The following NAV1 variants were observed in gnomAD, a reference collection of about 807,000 sequenced individuals.
The protein encoded by NAV1 is pore membrane and/or filament interacting like protein 3.
In NAV1, 18 loss-of-function variants were observed where a neutral mutation model predicts 175.2. That is an observed-to-expected ratio of 0.10 (90% CI 0.07 to 0.15). The LOEUF (loss-of-function observed/expected upper bound fraction) is 0.15. NAV1 is among the 10% of genes least tolerant of loss of function. NAV1 has a pLI of 1.00. For synonymous variants in NAV1, 897 were observed against 978.7 expected, an observed-to-expected ratio of 0.92 and a Z score of 1.56; for missense variants, 1,731 against 2,436.6, an observed-to-expected ratio of 0.71 and a Z score of 6.10.
At chr1:201,576,042 G>A (rs1004425255) in intron 1 of NAV1, among the ~76,000 whole-genome samples, 2 of 152,124 alleles carry the variant, frequency 1.3e-5, no homozygotes, top group Non-Finnish European at 2.9e-5. Flanking sequence ...TTAACATCTT[G>A]CAAAACTGTA....
intron 1 of NAV1, among the ~76,000 whole-genome samples, chr1:201,570,542 A>G (rs774145286): frequency 1.1e-3 from 162 of 152,210 alleles, no homozygotes; most frequent in Non-Finnish European, 2.1e-3. Context: ...GTGTGGTGAA[A>G]CAACCAGAGA....
chr1:201,793,708 C>A, intron 13 of NAV1, 84 bp from the exon 18 acceptor site: 1 of 1,175,438 alleles, frequency 8.5e-7, no homozygotes, highest in South Asian at 1.3e-5. Flanking sequence ...TACAGGAAAT[C>A]AGTTAAAACT....
intron 1 of NAV1, among the ~76,000 whole-genome samples, chr1:201,578,444 C>T (rs965441979): frequency 5.9e-5 from 9 of 152,168 alleles, no homozygotes; most frequent in African/African-American, 2.2e-4. Flanking sequence ...TGGCTTATCT[C>T]TGGGTAATGA....
In NAV1 at chr1:201,562,363, T is replaced by A. The variant is rs115146419; in HGVS notation, c.-144+23021T>A. 4.5e-3 allele frequency among the ~76,000 whole-genome samples: 678 copies of A among 152,012 alleles called. 8 individuals carry two copies. The highest frequency in any genetic ancestry group is 0.015 in the African/African-American group (626 of 41,456). ...GTCAAGTATGCCCCCCGACCTTGGG[T>A]CCTAGTTGGTAGAAAGCATTTCCGA... On this transcript the variant is annotated intron_variant, in intron 1 of 33. Coordinates refer to the NAV1 transcript ENST00000685211.
intron 3 of NAV1, among the ~76,000 whole-genome samples, chr1:201,737,893 C>T (rs544556956): frequency 6.6e-6 from 1 of 152,262 alleles, no homozygotes; most frequent in African/African-American, 2.4e-5. Flanking sequence ...CCTTATGGCA[C>T]GTCACTGTAA....
At chr1:201,700,808 G>A (rs568970530) in intron 1 of NAV1, among the ~76,000 whole-genome samples, 87 of 151,960 alleles carry the variant, frequency 5.7e-4, no homozygotes, top group African/African-American at 2.1e-3. Flanking sequence ...TCAGGAGATC[G>A]AGACCATCCT....
chr1:201,684,475 C>CTT (rs71138346), intron 1 of NAV1, among the ~76,000 whole-genome samples: 2,459 of 127,810 alleles, frequency 0.019, 96 homozygotes, highest in African/African-American at 0.046. Context: ...TTTATGCAGC[C>CTT]TTTTTTTTTT....
At chr1:201,789,466 C>A (rs1676969609) in intron 10 of NAV1, among the ~76,000 whole-genome samples, 1 of 152,158 alleles carries the variant, frequency 6.6e-6, no homozygotes, top group Non-Finnish European at 1.5e-5. Flanking sequence ...AGTCTCCTTT[C>A]CCTTCTCTGA....
exon 30 of NAV1, chr1:201,826,208 A>C (rs1317592938): frequency 6.6e-6 from 1 of 152,176 alleles, no homozygotes; most frequent in Non-Finnish European, 1.5e-5. Flanking sequence ...TGAGTATAAA[A>C]TAATTCCACT....
At chr1:201,776,536 G>A (rs1364980047) in intron 3 of NAV1, among the ~76,000 whole-genome samples, 1 of 151,586 alleles carries the variant, frequency 6.6e-6, no homozygotes, top group Non-Finnish European at 1.5e-5. Context: ...AGCTACTCAG[G>A]AGGTTGAGGC....
intron 1 of NAV1, among the ~76,000 whole-genome samples, chr1:201,567,866 C>T (rs200159400): frequency 4.6e-5 from 7 of 151,790 alleles, no homozygotes; most frequent in Non-Finnish European, 7.4e-5. Flanking sequence ...GCCTGCACAT[C>T]GAGAATGTCC....
chr1:201,606,862 C>T (rs180680337), intron 2 of NAV1, among the ~76,000 whole-genome samples: 2 of 152,286 alleles, frequency 1.3e-5, no homozygotes, highest in Non-Finnish European at 2.9e-5. Flanking sequence ...GAGTCAAATA[C>T]CCTTAGACAC....
Position 201,812,733 on chromosome 1 carries a change from C to G in NAV1, c.5221+72C>G. 2 of 1,347,532 alleles carry G rather than the reference C, an allele frequency of 1.5e-6. No homozygotes were observed. The highest frequency in any genetic ancestry group is 2.5e-5 in the South Asian group (2 of 81,182). The allele number at this position is 1,347,532 out of a possible 1,614,324, so 83.5% of individuals were successfully genotyped here. On this transcript the variant is annotated intron_variant, in intron 27 of 29. Coordinates refer to ENST00000367296, the Ensembl canonical transcript of NAV1. This position sits in a 1 kb window ranked among gnomAD's most constrained non-coding sequence, Gnocchi z 4.6. ...TTCCACTGTACCACCTGGAGGGATGCTCCCTTCTCTTCCTGGAGTCTTCGG... is the reference window on the plus strand; with the variant it reads ...TTCCACTGTACCACCTGGAGGGATGGTCCCTTCTCTTCCTGGAGTCTTCGG...
rs185213326 is a variant in NAV1 at position 201,658,309 on chromosome 1, A to G, written c.757+8884A>G. ...CATTCCAGTACAAGCAGAATGCAGC[A>G]TGCTGCGAAGAAGCCAGAAAGGGCA... On this transcript the variant is annotated intron_variant, in intron 1 of 29. Transcript: ENST00000367296. 3.3e-3 allele frequency among the ~76,000 whole-genome samples: 497 copies of G among 152,248 alleles called. 1 individual carries two copies. The highest frequency in any genetic ancestry group is 9.6e-3 in the African/African-American group (399 of 41,534).
At chr1:201,650,387 T>C (rs1353985081) in intron 1 of NAV1, among the ~76,000 whole-genome samples, 1 of 152,110 alleles carries the variant, frequency 6.6e-6, no homozygotes, top group East Asian at 1.9e-4. Context: ...CGGGCCCTCT[T>C]GGGGCCACGG....
chr1:201,641,054 C>T (rs902626237), intron 2 of NAV1, among the ~76,000 whole-genome samples: 2 of 152,144 alleles, frequency 1.3e-5, no homozygotes, highest in African/African-American at 2.4e-5. Context: ...TGGCCTCAAG[C>T]GGGGCCGGGG....
intron 1 of NAV1, among the ~76,000 whole-genome samples, chr1:201,702,672 TTCTCTCTCTCTC>T (rs756726434): frequency 5.8e-4 from 1 of 1,730 alleles, no homozygotes; most frequent in African/African-American, 7.5e-4. Context: ...GGTATGTGAA[TTCTCTCTCTCTC>T]TCTCTCTCTC....
At chr1:201,623,182 T>G in exon 1 of NAV1, 1 of 985,830 alleles carries the variant, frequency 1.0e-6, no homozygotes, top group Non-Finnish European at 1.2e-6. Context: ...CAGCTCCCCA[T>G]GGAATAGTCC....
At chr1:201,757,525 AGCT>A (rs1041001227) in intron 3 of NAV1, among the ~76,000 whole-genome samples, 8 of 152,188 alleles carry the variant, frequency 5.3e-5, no homozygotes, top group African/African-American at 1.9e-4. Context: ...TACAGGCATG[AGCT>A]GCTGCATTCT....
Sources: gnomAD v4.1 joint callset for allele counts (sites outside exome capture counted in the v4.1 genomes callset) on GRCh38, gnomAD v4.1.1 for gene constraint, Gnocchi (gnomAD v3.1) non-coding constraint, MANE v1.5 for transcripts, NCBI Gene and HGNC (gene_info 2026-07-23, HGNC 2026-07-21) for gene names.